The following TXNRD2 variants were observed in gnomAD, a reference collection of about 807,000 sequenced individuals.
TXNRD2 encodes the protein thioredoxin reductase 2, also known as thioredoxin reductase 2, mitochondrial.
In TXNRD2, 67 loss-of-function variants were observed where a neutral mutation model predicts 70.8. The ratio of observed to expected loss-of-function variants is 0.95; its 90% confidence interval spans 0.78 to 1.16. The LOEUF (loss-of-function observed/expected upper bound fraction) is 1.16. TXNRD2 is among the 50% of genes most tolerant of loss of function. The pLI, the probability that TXNRD2 is intolerant of heterozygous loss-of-function variation, is 0.00. For missense variants in TXNRD2, 644 were observed against 719.9 expected (o/e 0.89, Z 1.21); for synonymous variants, 301 against 295.8 (o/e 1.02, Z -0.18).
intron 2 of TXNRD2, among the ~76,000 whole-genome samples, chr22:19,921,505 T>C (rs1385669647): frequency 1.3e-5 from 2 of 151,280 alleles, no homozygotes; most frequent in African/African-American, 4.9e-5. Context: ...ACCCTCCCCC[T>C]GAAGCAACCC....
chr22:19,880,318 C>T (rs1026717332), intron 13 of TXNRD2, 47 bp from the exon 14 acceptor site: 10 of 1,576,074 alleles, frequency 6.3e-6, no homozygotes, highest in African/African-American at 2.7e-5. Context: ...CCCCGAAAAC[C>T]GAAGTTCCCC....
At chr22:19,913,719 A>G (rs1601445056) in intron 7 of TXNRD2, among the ~76,000 whole-genome samples, 1 of 152,222 alleles carries the variant, frequency 6.6e-6, no homozygotes. Context: ...GGAAGGACCA[A>G]CGAGGCCCTG....
rs1402688323 is a variant in TXNRD2 at position 19,918,157 on chromosome 22, G to A, written c.435C>T (p.Val145=). 1 of 1,614,146 alleles carries A rather than the reference G, an allele frequency of 6.2e-7. No individual in the cohort carries two copies. The highest frequency in any genetic ancestry group is 8.5e-7 in the Non-Finnish European group (1 of 1,180,030). ...HVKSLNWGHR[V]QLQDRKVKYF... is the part of the protein sequence containing the mutation. ...AGCTTCAGTACCTGTCCTGAAGCTG[G>A]ACACGGTGGCCCCAGTTCAAGGATT... Residue 145 remains valine (V), a synonymous_variant, in exon 5 of 18, where the codon GTC becomes GTT. Coordinates refer to ENST00000400521, the MANE Select transcript of TXNRD2 (RefSeq NM_006440.5).
intron 8 of TXNRD2, among the ~76,000 whole-genome samples, chr22:19,907,561 A>G (rs1940109364): frequency 2.3e-5 from 1 of 43,668 alleles, no homozygotes; most frequent in Non-Finnish European, 4.4e-5. Context: ...CGCTCTCAGG[A>G]GAGTGTGGGC....
At chr22:19,910,110 G>C (rs1940339904) in intron 8 of TXNRD2, among the ~76,000 whole-genome samples, 1 of 152,236 alleles carries the variant, frequency 6.6e-6, no homozygotes. Flanking sequence ...CCAAGCCTCT[G>C]CCGCCCTCTG....
chr22:19,889,518 G>A (rs1799076518), intron 11 of TXNRD2, among the ~76,000 whole-genome samples: 2 of 152,202 alleles, frequency 1.3e-5, no homozygotes, highest in Admixed American at 1.3e-4. Flanking sequence ...GGCTGAGGCA[G>A]GAGAATCGCT....
intron 8 of TXNRD2, among the ~76,000 whole-genome samples, chr22:19,909,575 CCACACACACACACCACACACACCACT>C (rs1392103772): frequency 6.6e-5 from 8 of 121,570 alleles, no homozygotes; most frequent in African/African-American, 1.0e-4. Flanking sequence ...CATACACACA[CCACACACACACACCACACACACCACT>C]CACACACACA....
intron 8 of TXNRD2, among the ~76,000 whole-genome samples, chr22:19,909,921 A>T (rs1484723982): frequency 2.7e-3 from 56 of 20,542 alleles, no homozygotes; most frequent in East Asian, 0.015. Context: ...CACACCCTTC[A>T]CACACACACA....
chr22:19,931,945 G>A (rs72550765), intron 1 of TXNRD2, among the ~76,000 whole-genome samples: 14,875 of 151,974 alleles, frequency 0.098, 971 homozygotes, highest in South Asian at 0.14. Flanking sequence ...TGGATCACAA[G>A]GTTAGGAGAT....
intron 8 of TXNRD2, among the ~76,000 whole-genome samples, chr22:19,905,384 C>T (rs1939963130): frequency 1.3e-5 from 2 of 151,978 alleles, no homozygotes; most frequent in Non-Finnish European, 2.9e-5. Flanking sequence ...CTTTTCTGAA[C>T]AAAATATCTG....
chr22:19,920,170 A>ACCAGCCCCAGG, intron 2 of TXNRD2, among the ~76,000 whole-genome samples: 1 of 152,218 alleles, frequency 6.6e-6, no homozygotes. Context: ...CCAGCCCCAG[A>ACCAGCCCCAGG]GCAGGAGCCG....
Position 19,882,323 on chromosome 22 carries a change from C to T in TXNRD2, c.1086+1002G>A, listed in dbSNP as rs112313554. On this transcript the variant is annotated intron_variant, in intron 12 of 17. Coordinates refer to ENST00000400521, the MANE Select transcript of TXNRD2 (RefSeq NM_006440.5). ...AAATGATTCTCCTGCCTCAGCCTCCCGGGTAGCTGGGATTACAGATACGTG... is the reference window on the plus strand; with the variant it reads ...AAATGATTCTCCTGCCTCAGCCTCCTGGGTAGCTGGGATTACAGATACGTG... Among the ~76,000 whole-genome samples the T allele has an allele frequency of 8.8e-3, 1,343 of 152,224 alleles. 14 individuals are homozygous for T. Among genetic ancestry groups the T allele is most frequent in the Middle Eastern group, 0.041 (12 of 294 alleles).
chr22:19,890,559 C>A (rs1458488285), intron 11 of TXNRD2, among the ~76,000 whole-genome samples: 1 of 151,984 alleles, frequency 6.6e-6, no homozygotes, highest in Non-Finnish European at 1.5e-5. Context: ...TCCTGATGGG[C>A]CCACCGCAGC....
chr22:19,928,542 T>G (rs780716020), intron 2 of TXNRD2, among the ~76,000 whole-genome samples: 2 of 152,162 alleles, frequency 1.3e-5, no homozygotes, highest in African/African-American at 4.8e-5. Context: ...AGACAGCACA[T>G]GCCTGGTTGC....
chr22:19,932,594 AAGG>A (rs1216702815), intron 1 of TXNRD2: 31 of 1,441,194 alleles, frequency 2.2e-5, no homozygotes, highest in Non-Finnish European at 9.1e-6. Context: ...CTGCTGAAGG[AAGG>A]AAGAAATAAT....
At chr22:19,903,436 G>A (rs1229169604) in intron 8 of TXNRD2, among the ~76,000 whole-genome samples, 1 of 152,192 alleles carries the variant, frequency 6.6e-6, no homozygotes, top group Non-Finnish European at 1.5e-5. Context: ...TCCCTATATT[G>A]GGGTTAGGGC....
intron 6 of TXNRD2, 42 bp downstream of exon 6, chr22:19,915,723 G>A: frequency 8.8e-6 from 14 of 1,592,016 alleles, no homozygotes; most frequent in East Asian, 2.2e-5. Flanking sequence ...AAGGTCTGCA[G>A]AAGGGTCCAC....
chr22:19,895,400 C>T lies in TXNRD2; in HGVS notation c.949+7G>A. ...GAGACAGAGCGTGTGGCTCGACGTG[C>T]CCTTACCTATGGCCCACAGGACGGT... On this transcript the variant is annotated splice_region_variant and intron_variant, in intron 11 of 17. Coordinates refer to ENST00000400521, the MANE Select transcript of TXNRD2 (RefSeq NM_006440.5). The T allele has an allele frequency of 1.2e-6, 2 of 1,613,852 alleles. No individual in the cohort carries two copies. The highest frequency in any genetic ancestry group is 1.7e-6 in the Non-Finnish European group (2 of 1,179,922).
chr22:19,906,020 T>G (rs1407221817), intron 8 of TXNRD2, among the ~76,000 whole-genome samples: 3 of 150,792 alleles, frequency 2.0e-5, no homozygotes, highest in Non-Finnish European at 4.4e-5. Flanking sequence ...AAAAAAAACT[T>G]AAACCATTTG....
Sources: gnomAD v4.1 joint callset for allele counts (sites outside exome capture counted in the v4.1 genomes callset) on GRCh38, gnomAD v4.1.1 for gene constraint, MANE v1.5 for transcripts, NCBI Gene and HGNC (gene_info 2026-07-23, HGNC 2026-07-21) for gene names.